The following CASZ1 variants were observed in gnomAD, a reference collection of about 807,000 sequenced individuals.
The protein encoded by CASZ1 is zinc finger protein castor homolog 1.
In CASZ1, 28 loss-of-function variants were observed where a neutral mutation model predicts 135.2. The ratio of observed to expected loss-of-function variants is 0.21; its 90% CI spans 0.15 to 0.28. The LOEUF is 0.28. Among genes scored for constraint, CASZ1 ranks in the 10% least tolerant of loss-of-function variants. The pLI is 1.00. For synonymous variants in CASZ1, 1,068 were observed against 1,073.4 expected (o/e 0.99, Z 0.10); for missense variants, 2,161 against 2,453.3 (o/e 0.88, Z 2.52).
intron 2 of CASZ1, among the ~76,000 whole-genome samples, chr1:10,754,539 A>AC (rs1180091481): frequency 6.6e-6 from 1 of 152,050 alleles, no homozygotes; most frequent in African/African-American, 2.4e-5. Context: ...ACCCTACTGG[A>AC]CCCCAGGCTT....
intron 4 of CASZ1, among the ~76,000 whole-genome samples, chr1:10,686,260 G>A (rs571278105): frequency 6.6e-6 from 1 of 152,348 alleles, no homozygotes; most frequent in Admixed American, 6.5e-5. Context: ...CCTGTTAGCA[G>A]CACTCACCAC....
chr1:10,779,694 G>A (rs1037879627), intron 1 of CASZ1, among the ~76,000 whole-genome samples: 3 of 152,136 alleles, frequency 2.0e-5, no homozygotes, highest in Non-Finnish European at 4.4e-5. Context: ...AGTTTCTCTC[G>A]CAGCGTTCAC....
chr1:10,659,675 G>T, intron 6 of CASZ1, 27 bp downstream of exon 6: 1 of 1,576,304 alleles, frequency 6.3e-7, no homozygotes, highest in South Asian at 1.1e-5. Flanking sequence ...CCTGGCTCTG[G>T]GCATTGTGGG....
rs1322060378 is a variant in CASZ1, at chr1:10,679,673, T to A, written c.17-14102A>T. 6.6e-6 allele frequency among the ~76,000 whole-genome samples: 1 copy of A among 151,898 alleles called. No individual in the cohort carries two copies. The highest frequency in any genetic ancestry group is 1.5e-5 in the Non-Finnish European group (1 of 67,966). On this transcript the variant is annotated intron_variant, in intron 4 of 20. Coordinates refer to ENST00000377022, the MANE Select transcript of CASZ1 (RefSeq NM_001079843.3). This position sits in a 1 kb window ranked among gnomAD's most constrained non-coding sequence, Gnocchi z 4.7. ...TCCTGTGCCTGCACGGGCACCCTTC[T>A]CCTCCCCTCCACCTGCCTCATCTTC...
At chr1:10,787,926 AAC>A (rs1159038629) in intron 1 of CASZ1, among the ~76,000 whole-genome samples, 3 of 152,206 alleles carry the variant, frequency 2.0e-5, no homozygotes, top group African/African-American at 4.8e-5. Context: ...TTCCAAAAGA[AAC>A]ACAGAGTTTG....
At chr1:10,653,228 G>A (rs571631396) in intron 11 of CASZ1, 149 bp downstream of exon 11, 569 of 858,136 alleles carry the variant, frequency 6.6e-4, no homozygotes, top group Non-Finnish European at 9.7e-4. Context: ...GGATGGGGGC[G>A]AAGATCAGGC....
Position 10,659,746 on chromosome 1 carries a change from G to A in CASZ1, c.1296C>T (p.Phe432=), listed in dbSNP as rs768103594. The change falls in exon 6 of 21, where the codon TTC becomes TTT. Residue 432 remains phenylalanine (F), a synonymous_variant. Coordinates refer to ENST00000377022, the MANE Select transcript of CASZ1 (RefSeq NM_001079843.3). The part of the protein sequence containing the change: ...FNTPEYLKST[F]SKTDSITTGT... ...CCGTGGTGATGGAGTCTGTTTTGGA[G>A]AAGGTTGACTTCAGGTACTCGGGAG... 5.6e-6 allele frequency: 9 copies of A among 1,614,044 alleles called. No homozygotes were observed. The South Asian group carries it at 7.7e-5, about 14-fold the overall frequency.
At chr1:10,784,492 T>C (rs1386047851) in intron 1 of CASZ1, among the ~76,000 whole-genome samples, 1 of 152,224 alleles carries the variant, frequency 6.6e-6, no homozygotes, top group Non-Finnish European at 1.5e-5. Context: ...TAATGGCTAC[T>C]GTATGAGATG....
At chr1:10,780,758 C>T (rs945851266) in intron 1 of CASZ1, among the ~76,000 whole-genome samples, 2 of 152,056 alleles carry the variant, frequency 1.3e-5, no homozygotes, top group Non-Finnish European at 2.9e-5. Context: ...GTCAGATCAA[C>T]CAGCGTTGGA....
At chr1:10,643,525 C>A (rs1642273558) in intron 18 of CASZ1, among the ~76,000 whole-genome samples, 1 of 152,232 alleles carries the variant, frequency 6.6e-6, no homozygotes, top group Non-Finnish European at 1.5e-5. Flanking sequence ...TCCTCTCCAG[C>A]CTGGCAGAGG....
chr1:10,794,549 A>C lies in CASZ1; in HGVS notation c.-234+2015T>G, dbSNP rs1254654128. Among the ~76,000 whole-genome samples the C allele has an allele frequency of 1.3e-5, 2 of 152,090 alleles. No individual in the cohort carries two copies. Among genetic ancestry groups the C allele is most frequent in the East Asian group, 1.9e-4 (1 of 5,150 alleles). On this transcript the variant is annotated intron_variant, in intron 1 of 20. Transcript: ENST00000377022. This position sits in a 1 kb window ranked among gnomAD's most constrained non-coding sequence, Gnocchi z 5.6. ...GGGCACGCACCCGCACCCGCACCGT[A>C]GCCAGCGTGGCTGGAAGGAGGTCCT...
rs1340666530 is a variant in CASZ1, at chr1:10,708,970, GA to G, written c.-76-3427del. Among the ~76,000 whole-genome samples, 580 of 97,356 alleles carry G rather than the reference GA, an allele frequency of 6.0e-3. 11 individuals are homozygous for G. The highest frequency in any genetic ancestry group is 0.04 in the African/African-American group (504 of 12,714). 63.9% of individuals were successfully genotyped at this position (97,356 alleles called of 152,430 possible). A position where few individuals can be genotyped will look rare whatever the true frequency, so the allele number is the denominator to read the frequency against. ...AAGGAAGCAAGGGATGGAGGACGGG[GA>G]GGGGGGGGGCCATGGGTGAGGGAGG... is the stretch of plus-strand genomic sequence containing the variant. On this transcript the variant is annotated intron_variant, in intron 2 of 20. Coordinates refer to ENST00000377022, the MANE Select transcript of CASZ1 (RefSeq NM_001079843.3).
intron 2 of CASZ1, among the ~76,000 whole-genome samples, chr1:10,728,880 C>T (rs550294252): frequency 6.6e-6 from 1 of 152,124 alleles, no homozygotes; most frequent in Non-Finnish European, 1.5e-5. Context: ...CCGGGCCCAG[C>T]ACACGGGGGC....
intron 17 of CASZ1, among the ~76,000 whole-genome samples, chr1:10,645,925 T>C (rs1018101603): frequency 6.6e-6 from 1 of 152,078 alleles, no homozygotes; most frequent in Admixed American, 6.5e-5. Flanking sequence ...CCTCACCAAC[T>C]AGCACCAATC....
At position 10,767,209 on chromosome 1, in the gene CASZ1, C is replaced by G. The variant is rs1640492888; in HGVS notation, c.-233-6352G>C. ...AAGATGGGGCCCGGTCGTCCACATT[C>G]CTCATGAGTTCCTGCCCCAGTCCTG... On this transcript the variant is annotated intron_variant, in intron 1 of 20. Transcript: ENST00000377022. This position sits in a 1 kb window ranked among gnomAD's most constrained non-coding sequence, Gnocchi z 4.2. 6.6e-6 allele frequency among the ~76,000 whole-genome samples: 1 copy of G among 152,204 alleles called. No individual in the cohort carries two copies. The highest frequency in any genetic ancestry group is 2.4e-5 in the African/African-American group (1 of 41,450).
At chr1:10,750,621 TG>T (rs1640132997) in intron 2 of CASZ1, among the ~76,000 whole-genome samples, 1 of 151,300 alleles carries the variant, frequency 6.6e-6, no homozygotes, top group Non-Finnish European at 1.5e-5. Flanking sequence ...AGGCTGAGGC[TG>T]GGCGAGGTGG....
chr1:10,714,891 C>T (rs1401686676), intron 2 of CASZ1, among the ~76,000 whole-genome samples: 1 of 152,138 alleles, frequency 6.6e-6, no homozygotes, highest in Non-Finnish European at 1.5e-5. Flanking sequence ...TTGTCTCCAC[C>T]CAGCCCAGCA....
rs955417260 is a variant in CASZ1 at position 10,676,758 on chromosome 1, C to T, written c.17-11187G>A. On this transcript the variant is annotated intron_variant, in intron 4 of 20. Coordinates refer to ENST00000377022, the MANE Select transcript of CASZ1 (RefSeq NM_001079843.3). This position sits in a 1 kb window ranked among gnomAD's most constrained non-coding sequence, Gnocchi z 4.5. ...CTTTGCTGGTTCCTCCACGTCCCAG[C>T]CACACAGGCCAGCAGGAGCCTCTGT... Among the ~76,000 whole-genome samples, 3 of 152,356 alleles carry T rather than the reference C, an allele frequency of 2.0e-5. No individual in the cohort carries two copies. The highest frequency in any genetic ancestry group is 3.4e-3 in the Middle Eastern group (1 of 294).
In CASZ1 at chr1:10,660,197, G is replaced by T. The variant is rs61736951; in HGVS notation, c.845C>A (p.Thr282Lys). Residue 282 changes from threonine (T) to lysine (K), a missense_variant, in exon 6 of 21, where the codon ACG becomes AAG. Transcript: ENST00000377022. Reference sequence around the variant, plus strand: ...GGTGGCCTTGGTCTCCAGGTGGGCCGTGCTGCTGGGCAGCCGCAGGCCGGG... The same window carrying T: ...GGTGGCCTTGGTCTCCAGGTGGGCCTTGCTGCTGGGCAGCCGCAGGCCGGG... ...TLPGLRLPSS[T>K]AHLETKATIL... The T allele has an allele frequency of 5.6e-6, 9 of 1,613,252 alleles. No individual in the cohort carries two copies. The highest frequency in any genetic ancestry group is 7.6e-6 in the Non-Finnish European group (9 of 1,179,898).
Sources: gnomAD v4.1 joint callset for allele counts (sites outside exome capture counted in the v4.1 genomes callset) on GRCh38, gnomAD v4.1.1 for gene constraint, Gnocchi (gnomAD v3.1) non-coding constraint, MANE v1.5 for transcripts, NCBI Gene and HGNC (gene_info 2026-07-23, HGNC 2026-07-21) for gene names.